SORL1: variants seen among roughly 807,000 people sequenced by gnomAD.
SORL1 encodes sortilin related receptor 1.
Under a neutral mutation model 273.7 loss-of-function variants are expected in SORL1, and 127 were observed. The ratio of observed to expected loss-of-function variants is 0.46; its 90% confidence interval spans 0.40 to 0.54. SORL1 has a LOEUF of 0.54. Among genes scored for constraint, SORL1 ranks in the 20% least tolerant of loss-of-function variants. The pLI is 0.00. For missense variants in SORL1, 2,494 were observed against 2,846.1 expected, an observed-to-expected ratio of 0.88 and a Z score of 2.81; for synonymous variants, 1,031 against 1,067.4, an observed-to-expected ratio of 0.97 and a Z score of 0.66.
chr11:121,598,188 A>G (rs921467493), intron 32 of SORL1, among the ~76,000 whole-genome samples: 2 of 152,090 alleles, frequency 1.3e-5, no homozygotes, highest in Non-Finnish European at 1.5e-5. Context: ...CATGGGGGGA[A>G]TGGGTTATAG....
Position 121,629,839 on chromosome 11 carries a change from G to A in SORL1, c.*276G>A, listed in dbSNP as rs1025255723. On this transcript the variant is annotated 3_prime_UTR_variant, in exon 48 of 48. Coordinates refer to ENST00000260197, the MANE Select transcript of SORL1 (RefSeq NM_003105.6). ...CTGTGCTTGCTGGGCATGCTTTTAC[G>A]TCTGTGAGATAATTTCGGTTCAGTA... is the stretch of plus-strand genomic sequence containing the variant. The A allele has an allele frequency of 2.3e-5, 9 of 393,550 alleles. No individual in the cohort carries two copies. Among genetic ancestry groups the A allele is most frequent in the African/African-American group, 1.0e-4 (5 of 48,574 alleles). The allele number at this position is 393,550 out of a possible 1,614,324, so 24.4% of individuals were successfully genotyped here. A position where few individuals can be genotyped will look rare whatever the true frequency, so the allele number is the denominator to read the frequency against.
chr11:121,569,000 G>T (rs1862795260), intron 22 of SORL1, among the ~76,000 whole-genome samples: 1 of 152,190 alleles, frequency 6.6e-6, no homozygotes, highest in Non-Finnish European at 1.5e-5. Flanking sequence ...TGAAGCCATG[G>T]CAGAAGAACG....
At chr11:121,461,956 A>C (rs1239711214) in intron 1 of SORL1, among the ~76,000 whole-genome samples, 1 of 152,200 alleles carries the variant, frequency 6.6e-6, no homozygotes, top group Admixed American at 6.5e-5. Flanking sequence ...ATCTCATTTG[A>C]TTCTTACGAC....
intron 6 of SORL1, among the ~76,000 whole-genome samples, chr11:121,502,858 T>C (rs943284577): frequency 1.3e-5 from 2 of 152,090 alleles, no homozygotes; most frequent in African/African-American, 4.8e-5. Context: ...TTTTCAGCAC[T>C]GAAGTTTTTA....
intron 8 of SORL1, among the ~76,000 whole-genome samples, chr11:121,517,629 G>C (rs979194315): frequency 3.3e-5 from 5 of 152,218 alleles, no homozygotes; most frequent in African/African-American, 1.2e-4. Context: ...TGCTGGGACA[G>C]AGTATGAGCC....
At position 121,614,916 on chromosome 11, in the gene SORL1, C is replaced by T; in HGVS notation, c.5465C>T (p.Ala1822Val). 1 of 1,613,244 alleles carries T rather than the reference C, an allele frequency of 6.2e-7. No homozygotes were observed. The highest frequency in any genetic ancestry group is 8.5e-7 in the Non-Finnish European group (1 of 1,179,646). Reference protein sequence around the residue: ...AHTSYEISAWAKTDLGDSPLA... With the variant: ...AHTSYEISAWVKTDLGDSPLA... ...ACATCCTATGAGATTTCTGCCTGGG[C>T]CAAGACTGACTTGGGGGATAGCCCT... The change falls in exon 41 of 48, where the codon GCC (alanine) becomes GTC (valine). Residue 1822 changes from alanine (A) to valine (V), a missense_variant. Around this residue, in one of 3 missense-constraint regions of SORL1, gnomAD observed 1,609 missense variants for 1,816.4 expected, o/e 0.89. Transcript: ENST00000260197.
At chr11:121,518,112 A>G (rs577693248) in intron 8 of SORL1, among the ~76,000 whole-genome samples, 191 of 152,302 alleles carry the variant, frequency 1.3e-3, no homozygotes, top group Middle Eastern at 3.4e-3. Flanking sequence ...TAATGTGCTG[A>G]GGAGATGTCA....
chr11:121,464,424 G>A (rs369139256), intron 1 of SORL1, among the ~76,000 whole-genome samples: 75 of 152,358 alleles, frequency 4.9e-4, no homozygotes, highest in African/African-American at 1.7e-3. Flanking sequence ...CCTACAGGGT[G>A]CCTGGCACCT....
chr11:121,591,083 G>A lies in SORL1; in HGVS notation c.4296G>A (p.Val1432=), dbSNP rs1243965932. Residue 1432 remains valine, a synonymous_variant, in exon 31 of 48, where the codon GTG becomes GTA. Transcript: ENST00000260197. ...ACCGCTGCAGCAGTGGGACCTGCGT[G>A]ATGGACACCTGGGTGTGCGACGGGT... ...NYYRCSSGTC[V]MDTWVCDGYR... 1 of 1,614,254 alleles carries A rather than the reference G, an allele frequency of 6.2e-7. No individual in the cohort carries two copies. The highest frequency in any genetic ancestry group is 1.3e-5 in the African/African-American group (1 of 75,078).
rs772099153 is a variant in SORL1, at chr11:121,550,616, G to C, written c.2212G>C (p.Gly738Arg). The stretch of plus-strand genomic sequence containing the variant: ...GAAGATTTCTGGGGACACTTGTAGC[G>C]GAGGAGATGTTGAAGCGCGACTGGA... ...YRKISGDTCS[G>R]GDVEARLEGE... The change falls in exon 16 of 48, where the codon GGA becomes CGA. Residue 738 changes from glycine (G) to arginine (R), a missense_variant. Transcript: ENST00000260197. The surrounding 1 kb of genome is among the most constrained non-coding windows in gnomAD (Gnocchi z 5.3). 3.1e-6 allele frequency: 5 copies of C among 1,614,144 alleles called. No homozygotes were observed. In the South Asian group the frequency reaches 4.4e-5, roughly 14 times the overall value.
chr11:121,523,039 G>C (rs1862065153), intron 11 of SORL1, 50 bp downstream of exon 11: 1 of 1,240,368 alleles, frequency 8.1e-7, no homozygotes, highest in Non-Finnish European at 1.2e-6. Flanking sequence ...TCCCATTTGT[G>C]TGAGAATGTA....
At chr11:121,535,694 T>C (rs1334514610) in intron 12 of SORL1, among the ~76,000 whole-genome samples, 1 of 152,026 alleles carries the variant, frequency 6.6e-6, no homozygotes, top group African/African-American at 2.4e-5. Context: ...TGGTCGATGT[T>C]CTTTTAAGTT....
chr11:121,543,437 G>C (rs1862376914), intron 12 of SORL1, 111 bp from the exon 13 acceptor site: 1 of 812,778 alleles, frequency 1.2e-6, no homozygotes, highest in South Asian at 1.8e-5. Flanking sequence ...CCCAGGATCA[G>C]CCATTTCTCC....
rs1404062163 is a variant in SORL1, at chr11:121,496,866, C to T, written c.759-3C>T. On this transcript the variant is annotated splice_polypyrimidine_tract_variant and splice_region_variant and intron_variant, in intron 5 of 47. Coordinates refer to ENST00000260197, the MANE Select transcript of SORL1 (RefSeq NM_003105.6). ...TAACAACCTTTTTTTTTTTTTCTGC[C>T]AGGGGAATTGATCCCTATGACAAAC... is the stretch of plus-strand genomic sequence containing the variant. The T allele has an allele frequency of 6.4e-7, 1 of 1,566,728 alleles. No individual in the cohort carries two copies. Among genetic ancestry groups the T allele is most frequent in the Admixed American group, 2.0e-5 (1 of 48,892 alleles).
chr11:121,498,942 G>A (rs939078810), intron 6 of SORL1, among the ~76,000 whole-genome samples: 1 of 151,864 alleles, frequency 6.6e-6, no homozygotes, highest in Admixed American at 6.6e-5. Context: ...TAACAGCTAT[G>A]TCTGTTCTCC....
chr11:121,516,831 A>G (rs1019650596), intron 8 of SORL1, among the ~76,000 whole-genome samples: 1 of 152,128 alleles, frequency 6.6e-6, no homozygotes, highest in African/African-American at 2.4e-5. Context: ...AGATGGGTAG[A>G]TCACGAGGTT....
chr11:121,604,998 T>G lies in SORL1; in HGVS notation c.4652-115T>G, dbSNP rs1863447077. ...ATTGCCCAGGCCAGTCTCGAACTCC[T>G]GAGCTCAGGCAATTTGCCCGCCTCG... On this transcript the variant is annotated intron_variant, in intron 33 of 47. Transcript: ENST00000260197. The G allele has an allele frequency of 6.5e-6, 5 of 772,632 alleles. No homozygotes were observed. The South Asian group carries it at 9.6e-5, about 15-fold the overall frequency. 47.9% of individuals were successfully genotyped at this position (772,632 alleles called of 1,614,324 possible). A position where few individuals can be genotyped will look rare whatever the true frequency, so the allele number is the denominator to read the frequency against.
chr11:121,622,343 G>T, intron 45 of SORL1, 75 bp downstream of exon 45: 1 of 774,800 alleles, frequency 1.3e-6, no homozygotes, highest in Non-Finnish European at 2.2e-6. Flanking sequence ...CTTGTTGACA[G>T]CATGCTGGCA....
At chr11:121,505,357 G>T (rs928571300) in intron 6 of SORL1, among the ~76,000 whole-genome samples, 8 of 151,806 alleles carry the variant, frequency 5.3e-5, no homozygotes, top group African/African-American at 1.7e-4. Flanking sequence ...AGTCTAGCTT[G>T]TAGTCTAGTT....
Sources: gnomAD v4.1 joint callset for allele counts (sites outside exome capture counted in the v4.1 genomes callset) on GRCh38, gnomAD v4.1.1 for gene constraint, gnomAD v4.1.1 regional missense constraint, Gnocchi (gnomAD v3.1) non-coding constraint, MANE v1.5 for transcripts, NCBI Gene and HGNC (gene_info 2026-07-23, HGNC 2026-07-21) for gene names.